The following LINGO2 variants were observed in gnomAD, a reference collection of about 807,000 sequenced individuals.
LINGO2 encodes the protein leucine rich repeat and Ig domain containing 2, also known as leucine-rich repeat and immunoglobulin-like domain-containing nogo receptor-interacting protein 2.
LINGO2 carries 14 observed loss-of-function variants against 30.6 expected under a neutral mutation model. The observed-to-expected ratio is 0.46, with a 90% CI of 0.30 to 0.72. LINGO2 has a LOEUF of 0.72. Among genes scored for constraint, LINGO2 ranks in the 30% least tolerant of loss-of-function variants. LINGO2 has a pLI of 0.07. For missense variants in LINGO2, 729 were observed against 751.7 expected (o/e 0.97, Z 0.35); for synonymous variants, 317 against 288.5 (o/e 1.10, Z -1.00).
At chr9:28,361,239 G>A (rs1156347296) in intron 3 of LINGO2, among the ~76,000 whole-genome samples, 3 of 152,138 alleles carry the variant, frequency 2.0e-5, no homozygotes, top group African/African-American at 7.2e-5. Context: ...CAAGAGTAGT[G>A]ATGATGGTAT....
chr9:28,407,553 A>G (rs1822563227), intron 2 of LINGO2, among the ~76,000 whole-genome samples: 1 of 152,174 alleles, frequency 6.6e-6, no homozygotes, highest in Admixed American at 6.5e-5. Flanking sequence ...GCCACAGCAC[A>G]CAACTTAAGA....
chr9:28,186,435 A>G (rs1819545870), intron 4 of LINGO2, among the ~76,000 whole-genome samples: 1 of 152,328 alleles, frequency 6.6e-6, no homozygotes, highest in East Asian at 1.9e-4. Flanking sequence ...CTAGGGCCAG[A>G]GGATTCAGCA....
At chr9:28,051,308 C>T (rs150652558) in intron 4 of LINGO2, among the ~76,000 whole-genome samples, 372 of 152,068 alleles carry the variant, frequency 2.4e-3, no homozygotes, top group African/African-American at 8.6e-3. Flanking sequence ...ATGACAAATC[C>T]CTCCGTCTCT....
At chr9:28,618,554 A>T (rs1563868245) in intron 1 of LINGO2, among the ~76,000 whole-genome samples, 1 of 152,118 alleles carries the variant, frequency 6.6e-6, no homozygotes, top group Non-Finnish European at 1.5e-5. Flanking sequence ...CTTCATCATA[A>T]ATTAAACATT....
At chr9:28,735,710 T>C in the LINGO2 span, among the ~76,000 whole-genome samples, 1 of 152,100 alleles carries the variant, frequency 6.6e-6, no homozygotes, top group African/African-American at 2.4e-5. Context: ...TGATCTATAA[T>C]GACATTCTTT....
chr9:28,534,360 TAAATACA>T (rs1295454862), intron 1 of LINGO2, among the ~76,000 whole-genome samples: 1 of 152,150 alleles, frequency 6.6e-6, no homozygotes, highest in Non-Finnish European at 1.5e-5. Flanking sequence ...GTTGACTACC[TAAATACA>T]ATTACTATAT....
intron 4 of LINGO2, among the ~76,000 whole-genome samples, chr9:28,287,234 G>A (rs995398136): frequency 5.9e-5 from 9 of 152,198 alleles, no homozygotes; most frequent in African/African-American, 2.2e-4. Flanking sequence ...TGACTCTGAT[G>A]TACTACTACG....
At chr9:29,140,137 T>G in the LINGO2 span, among the ~76,000 whole-genome samples, 3 of 152,012 alleles carry the variant, frequency 2.0e-5, no homozygotes, top group Non-Finnish European at 1.5e-5. Context: ...GGCTATTTTT[T>G]CAAATGTATA....
At chr9:28,562,457 C>CAAAAA (rs56998877) in intron 1 of LINGO2, among the ~76,000 whole-genome samples, 4,056 of 109,036 alleles carry the variant, frequency 0.037, 167 homozygotes, top group African/African-American at 0.041. Context: ...CATTTACTTT[C>CAAAAA]AAAAAAAAAA....
chr9:28,972,553 T>C, the LINGO2 span, among the ~76,000 whole-genome samples: 3 of 151,744 alleles, frequency 2.0e-5, no homozygotes, highest in Admixed American at 1.3e-4. Flanking sequence ...AATAGCAGAA[T>C]TGATCAAGCA....
chr9:28,880,330 T>C, the LINGO2 span, among the ~76,000 whole-genome samples: 1 of 152,216 alleles, frequency 6.6e-6, no homozygotes, highest in African/African-American at 2.4e-5. Flanking sequence ...TGTTAATTTG[T>C]AGCTTTGCCC....
intron 5 of LINGO2, among the ~76,000 whole-genome samples, chr9:27,968,030 A>G (rs1186168330): frequency 1.3e-5 from 2 of 152,110 alleles, no homozygotes; most frequent in Admixed American, 1.3e-4. Context: ...TTACTGCTTG[A>G]GTTCTGTCCA....
chr9:28,417,110 T>G (rs1202701132), intron 2 of LINGO2, among the ~76,000 whole-genome samples: 1 of 152,192 alleles, frequency 6.6e-6, no homozygotes, highest in Non-Finnish European at 1.5e-5. Flanking sequence ...AAAAGCTGAT[T>G]CAGTTATATA....
chr9:29,092,781 G>A, the LINGO2 span, among the ~76,000 whole-genome samples: 6 of 136,514 alleles, frequency 4.4e-5, no homozygotes. Flanking sequence ...AGTGGCACAG[G>A]CAGATCAAAA....
At chr9:29,194,554 A>AT in the LINGO2 span, among the ~76,000 whole-genome samples, 10 of 152,190 alleles carry the variant, frequency 6.6e-5, no homozygotes, top group South Asian at 2.1e-3. Flanking sequence ...TTGTCCTTTG[A>AT]TTTTTTAAAG....
intron 3 of LINGO2, among the ~76,000 whole-genome samples, chr9:28,346,841 G>C (rs1453687201): frequency 6.6e-6 from 1 of 151,796 alleles, no homozygotes; most frequent in Non-Finnish European, 1.5e-5. Context: ...CCTTCTTAGA[G>C]AAGTGTCTGT....
chr9:28,811,602 T>C, the LINGO2 span, among the ~76,000 whole-genome samples: 2 of 152,192 alleles, frequency 1.3e-5, no homozygotes, highest in African/African-American at 4.8e-5. Flanking sequence ...CTAGCTTTTT[T>C]TCTATTCCTC....
At chr9:28,078,207 T>C (rs140687124) in intron 4 of LINGO2, among the ~76,000 whole-genome samples, 27 of 149,140 alleles carry the variant, frequency 1.8e-4, no homozygotes, top group Admixed American at 8.6e-4. Flanking sequence ...CGAGAGGAAA[T>C]TGAAGCCCAA....
chr9:29,129,266 A>C, the LINGO2 span, among the ~76,000 whole-genome samples: 1 of 152,116 alleles, frequency 6.6e-6, no homozygotes, highest in Non-Finnish European at 1.5e-5. Flanking sequence ...TTAACAAGGA[A>C]ATAAGAAACC....
Sources: gnomAD v4.1 joint callset for allele counts (sites outside exome capture counted in the v4.1 genomes callset) on GRCh38, gnomAD v4.1.1 for gene constraint, MANE v1.5 for transcripts, NCBI Gene and HGNC (gene_info 2026-07-23, HGNC 2026-07-21) for gene names.